HMCN1: variants seen among roughly 807,000 people sequenced by gnomAD.
The protein encoded by HMCN1 is hemicentin 1.
A neutral mutation model predicts 625.9 loss-of-function variants in HMCN1; 321 were observed. That is an observed-to-expected ratio of 0.51 (90% CI 0.47 to 0.56). The LOEUF is 0.56. HMCN1 is among the 20% of genes least tolerant of loss of function. HMCN1 has a pLI of 0.00. For missense variants in HMCN1, 6,588 were observed against 6,887.3 expected (o/e 0.96, Z 1.54); for synonymous variants, 2,425 against 2,417.6 (o/e 1.00, Z -0.09).
intron 14 of HMCN1, among the ~76,000 whole-genome samples, chr1:185,967,389 CT>C (rs146398413): frequency 6.6e-6 from 1 of 152,222 alleles, no homozygotes; most frequent in East Asian, 1.9e-4. Context: ...AATTTACTCT[CT>C]GTTTCTTATC....
chr1:185,993,456 C>A, intron 23 of HMCN1, 147 bp downstream of exon 23: 1 of 781,842 alleles, frequency 1.3e-6, no homozygotes, highest in Non-Finnish European at 2.1e-6. Context: ...TTGTGATTTT[C>A]TTTTGTTTAC....
intron 1 of HMCN1, among the ~76,000 whole-genome samples, chr1:185,750,120 A>G (rs182129929): frequency 8.5e-5 from 13 of 152,284 alleles, no homozygotes; most frequent in Admixed American, 7.2e-4. Context: ...TTTAAGTTCT[A>G]TGCTCTCTTC....
At chr1:186,149,608 C>T (rs542445772) in intron 93 of HMCN1, among the ~76,000 whole-genome samples, 6 of 152,318 alleles carry the variant, frequency 3.9e-5, no homozygotes, top group Admixed American at 3.3e-4. Context: ...TTCAAGACTT[C>T]TCCCTTTGCA....
Position 185,903,288 on chromosome 1 carries a change from T to A in HMCN1, c.622-6049T>A, listed in dbSNP as rs1420088871. On this transcript the variant is annotated intron_variant, in intron 4 of 106. Transcript: ENST00000271588. ...AGAAGGTGTGGAAGTTTTACATGAG[T>A]ATTGGGTGCTCATTGAGTTGAAATT... Among the ~76,000 whole-genome samples, 4 of 151,758 alleles carry A rather than the reference T, an allele frequency of 2.6e-5. No homozygotes were observed. The Admixed American group carries it at 2.6e-4, about 10-fold the overall frequency.
chr1:185,896,559 T>A (rs1665500840), intron 4 of HMCN1, among the ~76,000 whole-genome samples: 1 of 152,226 alleles, frequency 6.6e-6, no homozygotes, highest in South Asian at 2.1e-4. Flanking sequence ...GATAAAACAT[T>A]TTAATACAAA....
intron 57 of HMCN1, among the ~76,000 whole-genome samples, chr1:186,084,793 G>A (rs1336115117): frequency 1.3e-5 from 2 of 151,990 alleles, no homozygotes; most frequent in East Asian, 1.9e-4. Context: ...CCTACCAGGT[G>A]CTGTGCCAAA....
chr1:186,145,519 G>C lies in HMCN1; in HGVS notation c.14383G>C (p.Ala4795Pro), dbSNP rs747791119. 11 of 1,613,992 alleles carry C rather than the reference G, an allele frequency of 6.8e-6. No homozygotes were observed. The East Asian group carries it at 2.5e-4, about 36-fold the overall frequency. Reference sequence around the variant, plus strand: ...CCCTCCTCCCTCCAATGGGGGAAGAGCTTGTGGGGGACCAGACTCCCAGAT... The same window carrying C: ...CCCTCCTCCCTCCAATGGGGGAAGACCTTGTGGGGGACCAGACTCCCAGAT... Reference protein sequence around the residue: ...DNPPPSNGGRACGGPDSQIQR... With the variant: ...DNPPPSNGGRPCGGPDSQIQR... Residue 4795 changes from alanine to proline, a missense_variant, in exon 92 of 107, where the codon GCT becomes CCT. Physicochemically the swap from Ala to Pro is conservative, Grantham distance 27. Around this residue, in one of 3 missense-constraint regions of HMCN1, gnomAD observed 1,954 missense variants for 2,013.1 expected, o/e 0.97. Coordinates refer to ENST00000271588, the MANE Select transcript of HMCN1 (RefSeq NM_031935.3).
intron 11 of HMCN1, among the ~76,000 whole-genome samples, chr1:185,939,968 T>C (rs1274514418): frequency 6.6e-6 from 1 of 152,160 alleles, no homozygotes; most frequent in African/African-American, 2.4e-5. Context: ...ATATATTCCC[T>C]TAAATATTAA....
Position 186,086,351 on chromosome 1 carries a change from G to A in HMCN1, c.8990G>A (p.Ser2997Asn), listed in dbSNP as rs541297210. 6.2e-7 allele frequency: 1 copy of A among 1,613,314 alleles called. No individual in the cohort carries two copies. The highest frequency in any genetic ancestry group is 1.3e-5 in the African/African-American group (1 of 74,962). ...TCTGGTTTTCCACCTCCTGACCTCA[G>A]CTGGCTCAAGAATGAACAGCCCATC... ...EVSGFPPPDLSWLKNEQPIKL... is the reference protein window; with the variant it reads ...EVSGFPPPDLNWLKNEQPIKL... The change falls in exon 58 of 107, where the codon AGC becomes AAC. Residue 2997 changes from serine (S) to asparagine (N), a missense_variant. Ser to Asn is a conservative substitution (Grantham distance 46). Transcript: ENST00000271588.
chr1:185,912,364 T>C (rs969626275), intron 6 of HMCN1, among the ~76,000 whole-genome samples: 1 of 152,190 alleles, frequency 6.6e-6, no homozygotes, highest in African/African-American at 2.4e-5. Flanking sequence ...TGGATTTCTA[T>C]TCATTTTCTT....
At chr1:186,121,343 C>G (rs1661387830) in intron 80 of HMCN1, among the ~76,000 whole-genome samples, 1 of 152,078 alleles carries the variant, frequency 6.6e-6, no homozygotes, top group Admixed American at 6.6e-5. Context: ...TCCTGCAGCT[C>G]TAGGTAATGG....
chr1:185,920,662 C>G (rs966259785), intron 6 of HMCN1, among the ~76,000 whole-genome samples: 1 of 152,074 alleles, frequency 6.6e-6, no homozygotes, highest in Non-Finnish European at 1.5e-5. Flanking sequence ...TTTTCAAACA[C>G]TTGTATAATT....
In HMCN1 at chr1:186,003,785, C is replaced by T. The variant is rs1272119723; in HGVS notation, c.4416C>T (p.Ala1472=). Residue 1472 remains alanine (A), a synonymous_variant, in exon 29 of 107, where the codon GCC becomes GCT. Coordinates refer to ENST00000271588, the MANE Select transcript of HMCN1 (RefSeq NM_031935.3). ...CAGTTGTCCTCAACCGTGACGTCGC[C>T]CTTGAATGCCAGGTCAAAGGCACTC... is the stretch of plus-strand genomic sequence containing the variant. The part of the protein sequence containing the change: ...EVSVVLNRDV[A]LECQVKGTPF... The T allele has an allele frequency of 1.2e-6, 2 of 1,613,176 alleles. No individual in the cohort carries two copies. Among genetic ancestry groups the T allele is most frequent in the Admixed American group, 3.3e-5 (2 of 59,962 alleles).
Position 186,001,727 on chromosome 1 carries a change from A to G in HMCN1, c.4334A>G (p.Asn1445Ser), listed in dbSNP as rs1653214658. The G allele has an allele frequency of 6.2e-7, 1 of 1,612,310 alleles. No homozygotes were observed. The highest frequency in any genetic ancestry group is 8.5e-7 in the Non-Finnish European group (1 of 1,178,646). The change falls in exon 28 of 107, where the codon AAC becomes AGC. Residue 1445 changes from asparagine (N) to serine (S), a missense_variant. Physicochemically the swap from Asn to Ser is conservative, Grantham distance 46 (BLOSUM62 1). Transcript: ENST00000271588. ...NIAGTSQKYF[N>S]IDVLVPPTII... ...GCAGGCACTTCTCAGAAGTACTTTA[A>G]CATTGATGTGCTAGGTAAGAAATAC... is the stretch of plus-strand genomic sequence containing the variant.
chr1:185,972,115 CCTT>C (rs1650875367), intron 15 of HMCN1, among the ~76,000 whole-genome samples: 1 of 152,146 alleles, frequency 6.6e-6, no homozygotes, highest in African/African-American at 2.4e-5. Flanking sequence ...TTCTAGTTCT[CCTT>C]CTACCTCCTT....
chr1:186,088,351 G>A (rs1659646924), intron 62 of HMCN1, 75 bp downstream of exon 62: 4 of 1,603,532 alleles, frequency 2.5e-6, no homozygotes, highest in Admixed American at 3.4e-5. Context: ...TTTTAAACTA[G>A]CACATTTTAA....
chr1:186,152,613 T>C, intron 95 of HMCN1, 137 bp from the exon 96 acceptor site: 2 of 999,144 alleles, frequency 2.0e-6, no homozygotes, highest in Non-Finnish European at 3.2e-6. Context: ...TTAAGTGCTA[T>C]TTCAGTTCTC....
chr1:185,882,363 T>C (rs1376855361), intron 4 of HMCN1, among the ~76,000 whole-genome samples: 1 of 151,714 alleles, frequency 6.6e-6, no homozygotes, highest in Non-Finnish European at 1.5e-5. Context: ...TTTTTTTTTT[T>C]CAGTTTTAAT....
chr1:186,161,119 A>G (rs1258102853), intron 97 of HMCN1, among the ~76,000 whole-genome samples: 5 of 151,850 alleles, frequency 3.3e-5, no homozygotes, highest in East Asian at 1.9e-4. Context: ...TTGGGTGCAT[A>G]TATATTTAGG....
Sources: allele counts gnomAD v4.1 joint callset (sites outside exome capture counted in the v4.1 genomes callset), GRCh38; gene constraint gnomAD v4.1.1; regional missense constraint gnomAD v4.1.1; transcripts MANE v1.5; gene names NCBI Gene and HGNC (gene_info 2026-07-23, HGNC 2026-07-21).